The following TRMT1L variants were observed in gnomAD, a reference collection of about 807,000 sequenced individuals.
The protein encoded by TRMT1L is tRNA (guanine(27)-N(2))-dimethyltransferase.
In TRMT1L, 28 loss-of-function variants were observed where a neutral mutation model predicts 81.6. The observed-to-expected ratio is 0.34, with a 90% CI of 0.25 to 0.47. TRMT1L has a LOEUF of 0.47. Among genes scored for constraint, TRMT1L ranks in the 20% least tolerant of loss-of-function variants. The pLI is 1.00. For missense variants in TRMT1L, 739 were observed against 877.1 expected (o/e 0.84, Z 1.99); for synonymous variants, 301 against 303.2 (o/e 0.99, Z 0.07).
chr1:185,156,439 C>G, intron 1 of TRMT1L, 39 bp downstream of exon 1: 1 of 1,613,632 alleles, frequency 6.2e-7, no homozygotes, highest in Non-Finnish European at 8.5e-7. Context: ...CGCACTTTCT[C>G]TCTTCTGCAG....
intron 2 of TRMT1L, 138 bp from the exon 3 acceptor site, chr1:185,150,630 T>G (rs1571358213): frequency 1.5e-6 from 1 of 671,518 alleles, no homozygotes; most frequent in Non-Finnish European, 2.6e-6. Flanking sequence ...GTCATTATTC[T>G]TGACCCAGGA....
chr1:185,148,979 T>C (rs574615441), intron 3 of TRMT1L, among the ~76,000 whole-genome samples: 1 of 152,344 alleles, frequency 6.6e-6, no homozygotes, highest in Non-Finnish European at 1.5e-5. Context: ...CACATAATCA[T>C]ATACAAATAT....
chr1:185,143,504 A>G, intron 6 of TRMT1L, 68 bp from the exon 7 acceptor site: 1 of 1,419,474 alleles, frequency 7.0e-7, no homozygotes. Context: ...ATTTCATTTA[A>G]GAATAGTGAA....
rs549099776 is a variant in TRMT1L, at chr1:185,128,896, A to ATG, written c.1514-151_1514-150dup. 1.8e-3 allele frequency: 1,188 copies of ATG among 665,074 alleles called. 2 individuals carry two copies. The highest frequency in any genetic ancestry group is 2.7e-3 in the Non-Finnish European group (1,044 of 391,000). The allele number at this position is 665,074 out of a possible 1,614,324, so 41.2% of individuals were successfully genotyped here. A position where few individuals can be genotyped will look rare whatever the true frequency, so the allele number is the denominator to read the frequency against. On this transcript the variant is annotated intron_variant, in intron 10 of 14. Coordinates refer to ENST00000367506, the MANE Select transcript of TRMT1L (RefSeq NM_030934.5). The stretch of plus-strand genomic sequence containing the variant: ...TGCTAAGTATTTTATGTATGTATAT[A>ATG]TGTGTGTGTGCATATGTATACGTAT...
rs1391143647 is a variant in TRMT1L, at chr1:185,156,648, A to ACCTGGG, written c.59_64dup (p.Ala20_Gln21dup). On this transcript the variant is annotated inframe_insertion, in exon 1 of 15. Coordinates refer to ENST00000367506, the MANE Select transcript of TRMT1L (RefSeq NM_030934.5). ...GTCCCGGGCCGGGGTCGGGACCTGG[A>ACCTGGG]CCTGGGCCACCTCCACCTCCTCCTT... 1.2e-6 allele frequency: 2 copies of ACCTGGG among 1,609,716 alleles called. No individual in the cohort carries two copies. Among genetic ancestry groups the ACCTGGG allele is most frequent in the Middle Eastern group, 1.7e-4 (1 of 6,046 alleles).
At chr1:185,132,244 G>A (rs1014088122) in intron 10 of TRMT1L, among the ~76,000 whole-genome samples, 5 of 152,002 alleles carry the variant, frequency 3.3e-5, no homozygotes, top group African/African-American at 7.3e-5. Context: ...GAGGCTGGGC[G>A]CAGTGGCTCA....
At chr1:185,144,342 C>A (rs1184754800) in intron 5 of TRMT1L, among the ~76,000 whole-genome samples, 1 of 151,928 alleles carries the variant, frequency 6.6e-6, no homozygotes, top group African/African-American at 2.4e-5. Context: ...AGAACAATCA[C>A]CCTAGGAAAG....
intron 7 of TRMT1L, 64 bp from the exon 8 acceptor site, chr1:185,140,286 A>G: frequency 7.9e-7 from 1 of 1,269,454 alleles, no homozygotes; most frequent in Non-Finnish European, 1.1e-6. Flanking sequence ...TAAAAATGGT[A>G]TAACAACATT....
At position 185,118,734 on chromosome 1, in the gene TRMT1L, G is replaced by A. The variant is rs767040820; in HGVS notation, c.*1285C>T. On this transcript the variant is annotated 3_prime_UTR_variant, in exon 15 of 15. Coordinates refer to ENST00000367506, the MANE Select transcript of TRMT1L (RefSeq NM_030934.5). ...TCTTGGGAATACGCTGTACTAGCAC[G>A]AAGAGATTTTCCTTCATTTCTGCAA... is the stretch of plus-strand genomic sequence containing the variant. 2.0e-5 allele frequency: 3 copies of A among 151,978 alleles called. No individual in the cohort carries two copies. Among genetic ancestry groups the A allele is most frequent in the African/African-American group, 4.8e-5 (2 of 41,390 alleles). 9.4% of individuals were successfully genotyped at this position (151,978 alleles called of 1,614,324 possible).
intron 11 of TRMT1L, among the ~76,000 whole-genome samples, chr1:185,128,323 A>C (rs1490533795): frequency 1.3e-5 from 2 of 152,166 alleles, no homozygotes; most frequent in Admixed American, 1.3e-4. Flanking sequence ...CTTCTATAAA[A>C]AGTTATTGTG....
intron 11 of TRMT1L, among the ~76,000 whole-genome samples, chr1:185,127,783 A>AG (rs1652668540): frequency 2.7e-5 from 4 of 149,796 alleles, no homozygotes; most frequent in Non-Finnish European, 3.0e-5. Context: ...AAAAAAAAAA[A>AG]GAATCTCTAG....
chr1:185,152,624 CAG>C (rs1253974979), intron 1 of TRMT1L, among the ~76,000 whole-genome samples: 2 of 151,968 alleles, frequency 1.3e-5, no homozygotes, highest in East Asian at 3.9e-4. Flanking sequence ...AGATCAGTAA[CAG>C]AGAAAATTAG....
intron 9 of TRMT1L, among the ~76,000 whole-genome samples, chr1:185,138,529 G>A (rs1384198656): frequency 6.6e-6 from 1 of 152,082 alleles, no homozygotes; most frequent in Admixed American, 6.6e-5. Flanking sequence ...GCTGGCAAGT[G>A]AGCTGGCTGA....
At chr1:185,154,503 T>G (rs1440045582) in intron 1 of TRMT1L, among the ~76,000 whole-genome samples, 4 of 152,258 alleles carry the variant, frequency 2.6e-5, no homozygotes, top group African/African-American at 9.6e-5. Flanking sequence ...GACAGCAATA[T>G]TCCAGAAATG....
Position 185,156,623 on chromosome 1 carries a change from G to A in TRMT1L, c.90C>T (p.Asp30=), listed in dbSNP as rs375363031. The change falls in exon 1 of 15, where the codon GAC becomes GAT. Residue 30 remains aspartate, a synonymous_variant. Coordinates refer to ENST00000367506, the MANE Select transcript of TRMT1L (RefSeq NM_030934.5). The part of the protein sequence containing the change: ...AQVQVPTPAR[D]SAGVPAPAPD... ...GGGCCGGAGCTGGGACCCCAGCCGA[G>A]TCCCGGGCCGGGGTCGGGACCTGGA... 49 of 1,603,602 alleles carry A rather than the reference G, an allele frequency of 3.1e-5. No individual in the cohort carries two copies. In the African/African-American group the frequency reaches 3.1e-4, roughly 10 times the overall value.
chr1:185,152,428 G>T (rs936177662), intron 1 of TRMT1L, among the ~76,000 whole-genome samples: 22 of 152,208 alleles, frequency 1.4e-4, no homozygotes, highest in African/African-American at 5.1e-4. Context: ...TGGTATGTTT[G>T]GGGGGATGGA....
intron 2 of TRMT1L, among the ~76,000 whole-genome samples, chr1:185,150,975 G>C (rs574300573): frequency 6.6e-6 from 1 of 152,228 alleles, no homozygotes; most frequent in African/African-American, 2.4e-5. Flanking sequence ...GGAAGGAATA[G>C]ATGGGATTTG....
Position 185,143,420 on chromosome 1 carries a change from T to C in TRMT1L, c.796A>G (p.Thr266Ala), listed in dbSNP as rs1431520337. Residue 266 changes from threonine (T) to alanine (A), a missense_variant, in exon 7 of 15, where the codon ACA becomes GCA. Around this residue, in one of 4 missense-constraint regions of TRMT1L, gnomAD observed 331 missense variants for 462.2 expected, o/e 0.72. Coordinates refer to ENST00000367506, the MANE Select transcript of TRMT1L (RefSeq NM_030934.5). ...MKLNRQLIFC[T>A]LAALAEERKP... ...CGTTCCTCAGCCAAAGCAGCCAATG[T>C]ACAGAATATTAGCTGCCTAGAAGGA... 6.2e-7 allele frequency: 1 copy of C among 1,610,142 alleles called. No homozygotes were observed. Among genetic ancestry groups the C allele is most frequent in the Non-Finnish European group, 8.5e-7 (1 of 1,177,962 alleles).
At chr1:185,143,489 A>C (rs909448207) in intron 6 of TRMT1L, 53 bp from the exon 7 acceptor site, 1 of 1,489,456 alleles carries the variant, frequency 6.7e-7, no homozygotes, top group African/African-American at 1.4e-5. Flanking sequence ...ACCATCATAG[A>C]TTTTATTTCA....
Sources: allele counts gnomAD v4.1 joint callset (sites outside exome capture counted in the v4.1 genomes callset), GRCh38; gene constraint gnomAD v4.1.1; regional missense constraint gnomAD v4.1.1; transcripts MANE v1.5; gene names NCBI Gene and HGNC (gene_info 2026-07-23, HGNC 2026-07-21).